The following STPG2 variants were observed in gnomAD, a reference collection of about 807,000 sequenced individuals.
The protein encoded by STPG2 is sperm-tail PG-rich repeat-containing protein 2.
Under a neutral mutation model 54.2 loss-of-function variants are expected in STPG2, and 56 were observed. The observed-to-expected ratio is 1.03, with a 90% CI of 0.83 to 1.29. STPG2 has a LOEUF of 1.29. STPG2 is among the 50% of genes most tolerant of loss of function. STPG2 has a pLI of 0.00. For missense variants in STPG2, 596 were observed against 544.9 expected, an observed-to-expected ratio of 1.09 and a Z score of -0.93; for synonymous variants, 200 against 181.8, an observed-to-expected ratio of 1.10 and a Z score of -0.81.
At position 97,694,840 on chromosome 4, in the gene STPG2, A is replaced by C. The variant is rs1165818269; in HGVS notation, c.1320+17859T>G. On this transcript the variant is annotated intron_variant, in intron 10 of 10. Transcript: ENST00000295268. ...AAAAAAAAAAAAAAAAAAAAAAAAAAAAAAAAAAAAATTAGCAACAAAAAA... is the reference window on the plus strand; with the variant it reads ...AAAAAAAAAAAAAAAAAAAAAAAAACAAAAAAAAAAATTAGCAACAAAAAA... Among the ~76,000 whole-genome samples, 16 of 144,560 alleles carry C rather than the reference A, an allele frequency of 1.1e-4. 1 individual carries two copies. The highest frequency in any genetic ancestry group is 4.1e-4 in the African/African-American group (15 of 36,844). The allele number at this position is 144,560 out of a possible 152,430, so 94.8% of individuals were successfully genotyped here.
intron 5 of STPG2, among the ~76,000 whole-genome samples, chr4:98,065,393 A>C (rs1235715157): frequency 6.6e-6 from 1 of 152,176 alleles, no homozygotes; most frequent in Non-Finnish European, 1.5e-5. Context: ...ATAAAATAAA[A>C]TCTTTTTTCT....
intron 10 of STPG2, among the ~76,000 whole-genome samples, chr4:97,710,375 A>C (rs1724075423): frequency 6.6e-6 from 1 of 152,076 alleles, no homozygotes; most frequent in African/African-American, 2.4e-5. Flanking sequence ...GAAAATAGCA[A>C]GCAGACATTA....
intron 4 of STPG2, among the ~76,000 whole-genome samples, chr4:97,458,619 T>TA (rs1266679048): frequency 2.0e-5 from 3 of 152,092 alleles, no homozygotes; most frequent in Non-Finnish European, 2.9e-5. Context: ...ACTAAATATA[T>TA]TTTTCCCCTG....
At chr4:98,132,611 G>T (rs563497306) in intron 2 of STPG2, among the ~76,000 whole-genome samples, 4 of 151,620 alleles carry the variant, frequency 2.6e-5, no homozygotes, top group Non-Finnish European at 5.9e-5. Flanking sequence ...ACACTAAAAT[G>T]GAGGGAAAAA....
intron 4 of STPG2, among the ~76,000 whole-genome samples, chr4:97,456,912 T>TAAAAAA (rs1166086887): frequency 1.2e-4 from 12 of 97,202 alleles, no homozygotes; most frequent in African/African-American, 7.1e-4. Context: ...AAAAGAAAAT[T>TAAAAAA]AAAAAAAAAA....
intron 5 of STPG2, among the ~76,000 whole-genome samples, chr4:98,008,190 G>A (rs1735629156): frequency 6.6e-6 from 1 of 151,864 alleles, no homozygotes; most frequent in Admixed American, 6.6e-5. Flanking sequence ...AAATCAGCAA[G>A]AGAAAAGCAT....
Position 97,892,087 on chromosome 4 carries a change from C to G in STPG2, c.1045-51155G>C, listed in dbSNP as rs113841940. On this transcript the variant is annotated intron_variant, in intron 8 of 10. Transcript: ENST00000295268. ...TACTTTTCTCTAAAATTTTCTCTAC[C>G]AACGTACTTATCACACCCTATTATA... Among the ~76,000 whole-genome samples the G allele has an allele frequency of 5.7e-3, 861 of 152,110 alleles. 5 individuals are homozygous for G. The highest frequency in any genetic ancestry group is 0.02 in the Middle Eastern group (6 of 294).
chr4:98,104,659 G>A (rs1739138533), intron 5 of STPG2, among the ~76,000 whole-genome samples: 1 of 152,126 alleles, frequency 6.6e-6, no homozygotes, highest in Non-Finnish European at 1.5e-5. Flanking sequence ...TTTTCACAGA[G>A]TTGATTTTCA....
At chr4:97,972,680 C>T (rs111638842) in intron 6 of STPG2, among the ~76,000 whole-genome samples, 1,746 of 152,202 alleles carry the variant, frequency 0.011, 31 homozygotes, top group African/African-American at 0.04. Context: ...ATTGTAATTC[C>T]CACAATTCCA....
At chr4:97,811,316 C>T (rs1051488570) in intron 9 of STPG2, among the ~76,000 whole-genome samples, 4 of 148,436 alleles carry the variant, frequency 2.7e-5, no homozygotes, top group African/African-American at 1.0e-4. Context: ...GACTGGTTGG[C>T]TCTGTATCTA....
At chr4:98,059,582 T>C (rs2110097446) in intron 5 of STPG2, among the ~76,000 whole-genome samples, 1 of 148,400 alleles carries the variant, frequency 6.7e-6, no homozygotes, top group South Asian at 2.1e-4. Context: ...TACCAAAACC[T>C]GGAAGAGACA....
chr4:98,030,485 T>C (rs1225341447), intron 5 of STPG2, among the ~76,000 whole-genome samples: 4 of 152,170 alleles, frequency 2.6e-5, no homozygotes, highest in South Asian at 2.1e-4. Context: ...ATAGACTCAA[T>C]GCTATTTCTA....
chr4:97,540,586 A>G (rs947627517), intron 4 of STPG2, among the ~76,000 whole-genome samples: 4 of 152,290 alleles, frequency 2.6e-5, no homozygotes, highest in South Asian at 4.1e-4. Flanking sequence ...AACTATTCCA[A>G]TCAATAGAAA....
chr4:97,705,658 T>C, intron 10 of STPG2, among the ~76,000 whole-genome samples: 1 of 152,084 alleles, frequency 6.6e-6, no homozygotes, highest in East Asian at 1.9e-4. Context: ...ATTACAGGTA[T>C]GAGCCACTGC....
rs139988382 is a variant in STPG2 at position 97,981,290 on chromosome 4, G to A, written c.641C>T (p.Pro214Leu). The A allele has an allele frequency of 7.7e-5, 125 of 1,613,906 alleles. 1 individual carries two copies. In the Middle Eastern group the frequency reaches 1.2e-3, roughly 15 times the overall value. ...AGGTTCATTATATGTGCCAGGAGCC[G>A]GGGTGATTGATTTCATAGGTAAAAA... ...KRFLPMKSIT[P>L]APGTYNEPRT... The change falls in exon 6 of 11, where the codon CCG becomes CTG. Residue 214 changes from proline (P) to leucine (L), a missense_variant. Physicochemically the swap from Pro to Leu is moderately conservative, Grantham distance 98. Transcript: ENST00000295268.
At chr4:97,870,852 T>C (rs187107660) in intron 8 of STPG2, among the ~76,000 whole-genome samples, 23 of 151,268 alleles carry the variant, frequency 1.5e-4, no homozygotes, top group Non-Finnish European at 5.9e-5. Context: ...CCTGATACTC[T>C]AAAATACAAC....
chr4:98,011,643 A>G (rs1016860446), intron 5 of STPG2, among the ~76,000 whole-genome samples: 9 of 152,080 alleles, frequency 5.9e-5, no homozygotes, highest in African/African-American at 1.9e-4. Flanking sequence ...ACTTTTTAAT[A>G]ATCACCATTC....
chr4:97,534,066 A>C (rs1358772853), intron 4 of STPG2, among the ~76,000 whole-genome samples: 1 of 152,096 alleles, frequency 6.6e-6, no homozygotes, highest in Non-Finnish European at 1.5e-5. Context: ...TGTAACCAAC[A>C]CTTCATTTGT....
At chr4:97,810,625 C>CA (rs1428973592) in intron 9 of STPG2, among the ~76,000 whole-genome samples, 1 of 152,084 alleles carries the variant, frequency 6.6e-6, no homozygotes, top group Non-Finnish European at 1.5e-5. Flanking sequence ...TCCAGGAACT[C>CA]ACAGTGCCTG....
Sources: gnomAD v4.1 joint callset for allele counts (sites outside exome capture counted in the v4.1 genomes callset) on GRCh38, gnomAD v4.1.1 for gene constraint, MANE v1.5 for transcripts, NCBI Gene and HGNC (gene_info 2026-07-23, HGNC 2026-07-21) for gene names.